UPF2: variants seen among roughly 807,000 people sequenced by gnomAD.
The protein encoded by UPF2 is regulator of nonsense transcripts 2.
A neutral mutation model predicts 141.4 loss-of-function variants in UPF2; 17 were observed. The ratio of observed to expected loss-of-function variants is 0.12; its 90% CI spans 0.08 to 0.18. The LOEUF is 0.18. UPF2 is among the 10% of genes least tolerant of loss of function. The pLI, the probability that UPF2 is intolerant of heterozygous loss-of-function variation, is 1.00. For missense variants in UPF2, 1,152 were observed against 1,515.9 expected (o/e 0.76, Z 3.99); for synonymous variants, 540 against 498.0 (o/e 1.08, Z -1.12).
intron 5 of UPF2, among the ~76,000 whole-genome samples, chr10:12,003,942 A>AAG: frequency 6.6e-6 from 1 of 151,562 alleles, no homozygotes; most frequent in Non-Finnish European, 1.5e-5. Context: ...AAAAAAAAAA[A>AAG]AAGAATGCAT....
chr10:11,967,891 C>T (rs2131207707), intron 9 of UPF2, among the ~76,000 whole-genome samples: 1 of 151,680 alleles, frequency 6.6e-6, no homozygotes, highest in South Asian at 2.1e-4. Context: ...GGTAAAATTT[C>T]TTGCTATAGG....
In UPF2 at chr10:11,971,344, T is replaced by C. The variant is rs538527017; in HGVS notation, c.1954-3890A>G. Among the ~76,000 whole-genome samples, 5 of 151,276 alleles carry C rather than the reference T, an allele frequency of 3.3e-5. No homozygotes were observed. In the East Asian group the frequency reaches 9.8e-4, roughly 30 times the overall value. On this transcript the variant is annotated intron_variant, in intron 9 of 21. Transcript: ENST00000357604. ...ATCTCGGCTCACCGCAACCTCCGCCTCCCGGGTTCAAGTGATTCTCCTGCC... is the reference window on the plus strand; with the variant it reads ...ATCTCGGCTCACCGCAACCTCCGCCCCCCGGGTTCAAGTGATTCTCCTGCC...
chr10:11,978,488 C>G (rs1324838165), intron 9 of UPF2, among the ~76,000 whole-genome samples: 2 of 152,090 alleles, frequency 1.3e-5, no homozygotes, highest in Non-Finnish European at 2.9e-5. Flanking sequence ...GTTCATACTT[C>G]TAGGGTTAGA....
chr10:11,923,286 T>C (rs1832669252), intron 21 of UPF2: 1 of 152,290 alleles, frequency 6.6e-6, no homozygotes, highest in South Asian at 2.1e-4. Context: ...GGCTCACGCC[T>C]GTACCCTCAG....
At position 11,959,947 on chromosome 10, in the gene UPF2, C is replaced by T. The variant is rs2131195141; in HGVS notation, c.2185-591G>A. Reference sequence around the variant, plus strand: ...CTAGAGAACTTTACTACCAAGGTAACTTCTTTCATAACTTTGTGTCTAGGG... The same window carrying T: ...CTAGAGAACTTTACTACCAAGGTAATTTCTTTCATAACTTTGTGTCTAGGG... On this transcript the variant is annotated intron_variant, in intron 11 of 21. Coordinates refer to ENST00000357604, the MANE Select transcript of UPF2 (RefSeq NM_015542.4). The surrounding 1 kb of genome is among the most constrained non-coding windows in gnomAD (Gnocchi z 5.9). 6.6e-6 allele frequency among the ~76,000 whole-genome samples: 1 copy of T among 152,322 alleles called. No homozygotes were observed. The highest frequency in any genetic ancestry group is 1.9e-4 in the East Asian group (1 of 5,190).
chr10:12,008,844 A>C (rs1176088699), intron 4 of UPF2, among the ~76,000 whole-genome samples: 8 of 151,270 alleles, frequency 5.3e-5, no homozygotes, highest in African/African-American at 1.9e-4. Context: ...CCCTCCCCTT[A>C]CCCCCAACCT....
rs143069321 is a variant in UPF2 at position 11,921,343 on chromosome 10, C to T, written c.3810-36G>A. On this transcript the variant is annotated intron_variant, in intron 21 of 21. Coordinates refer to ENST00000357604, the MANE Select transcript of UPF2 (RefSeq NM_015542.4). The surrounding 1 kb of genome is among the most constrained non-coding windows in gnomAD (Gnocchi z 5.9). Reference sequence around the variant, plus strand: ...AAACAGGGTCACATCAGAGAGCTTACTGCCACAGGACAAAGTCCAGCAAGA... The same window carrying T: ...AAACAGGGTCACATCAGAGAGCTTATTGCCACAGGACAAAGTCCAGCAAGA... The T allele has an allele frequency of 1.3e-4, 212 of 1,614,008 alleles. No homozygotes were observed. The African/African-American group carries it at 2.6e-3, about 20-fold the overall frequency.
At position 11,939,719 on chromosome 10, in the gene UPF2, G is replaced by C. The variant is rs1436819865; in HGVS notation, c.3378+2946C>G. ...TTTAGTAGAGACAGGGTTTCACCAT[G>C]TTGGCCAGGCTGGTCTTGAACTCCT... On this transcript the variant is annotated intron_variant, in intron 18 of 21. Coordinates refer to ENST00000357604, the MANE Select transcript of UPF2 (RefSeq NM_015542.4). This position sits in a 1 kb window ranked among gnomAD's most constrained non-coding sequence, Gnocchi z 4.8. 6.6e-6 allele frequency among the ~76,000 whole-genome samples: 1 copy of C among 151,948 alleles called. No individual in the cohort carries two copies. The highest frequency in any genetic ancestry group is 2.4e-5 in the African/African-American group (1 of 41,358).
At chr10:11,957,542 G>A (rs1460928817) in intron 12 of UPF2, among the ~76,000 whole-genome samples, 1 of 151,848 alleles carries the variant, frequency 6.6e-6, no homozygotes, top group African/African-American at 2.4e-5. Flanking sequence ...TTGAGATGGA[G>A]TCTCGCTCTG....
At position 11,944,213 on chromosome 10, in the gene UPF2, A is replaced by T. The variant is rs114374304; in HGVS notation, c.3175-1045T>A. Among the ~76,000 whole-genome samples the T allele has an allele frequency of 4.9e-3, 745 of 152,320 alleles. 6 individuals are homozygous for T. Among genetic ancestry groups the T allele is most frequent in the African/African-American group, 0.017 (700 of 41,576 alleles). On this transcript the variant is annotated intron_variant, in intron 16 of 21. Transcript: ENST00000357604. The stretch of plus-strand genomic sequence containing the variant: ...TGAAAACGTTTCAAAAACGTATACC[A>T]ATGGTCGGCGCCATGGCTCACACCT...
chr10:11,996,166 G>A (rs1256470177), intron 8 of UPF2, among the ~76,000 whole-genome samples: 2 of 152,040 alleles, frequency 1.3e-5, no homozygotes, highest in South Asian at 2.1e-4. Flanking sequence ...GACCCGTAAC[G>A]AATTATTTAA....
At chr10:11,938,614 G>T (rs528426306) in intron 18 of UPF2, among the ~76,000 whole-genome samples, 2 of 151,398 alleles carry the variant, frequency 1.3e-5, no homozygotes, top group South Asian at 4.2e-4. Context: ...ATGACCTTTG[G>T]CATGATTTTG....
At chr10:12,004,805 A>G in intron 4 of UPF2, 78 bp from the exon 5 acceptor site, 1 of 1,393,774 alleles carries the variant, frequency 7.2e-7, no homozygotes, top group Non-Finnish European at 9.8e-7. Flanking sequence ...TTATTTTTTC[A>G]GTTTTACATC....
intron 11 of UPF2, among the ~76,000 whole-genome samples, chr10:11,963,326 GTATT>G (rs1833269376): frequency 6.9e-6 from 1 of 145,036 alleles, no homozygotes; most frequent in Non-Finnish European, 1.6e-5. Flanking sequence ...AGCTGTGTGA[GTATT>G]CATTCATTCA....
At chr10:11,944,458 C>A (rs1832976265) in intron 16 of UPF2, among the ~76,000 whole-genome samples, 1 of 152,166 alleles carries the variant, frequency 6.6e-6, no homozygotes, top group African/African-American at 2.4e-5. Context: ...TGTACCACTG[C>A]ACTCCGGCCT....
chr10:11,971,264 T>C (rs1465099270), intron 9 of UPF2, among the ~76,000 whole-genome samples: 2 of 151,810 alleles, frequency 1.3e-5, no homozygotes, highest in Non-Finnish European at 2.9e-5. Context: ...CTTTCTTTTT[T>C]TTTTTTTTTG....
Position 11,930,987 on chromosome 10 carries a change from A to G in UPF2, c.3688+654T>C, listed in dbSNP as rs942643002. Among the ~76,000 whole-genome samples, 3 of 152,114 alleles carry G rather than the reference A, an allele frequency of 2.0e-5. No homozygotes were observed. In the East Asian group the frequency reaches 5.8e-4, roughly 29 times the overall value. On this transcript the variant is annotated intron_variant, in intron 20 of 21. Transcript: ENST00000357604. The stretch of plus-strand genomic sequence containing the variant: ...ACGCTAGCCTATGAAGTCTCCATGG[A>G]CTCGATGTGTAAGGTTCCAACTAAC...
intron 18 of UPF2, 87 bp downstream of exon 18, chr10:11,942,578 T>C (rs1832949927): frequency 5.1e-6 from 6 of 1,182,996 alleles, no homozygotes; most frequent in Admixed American, 2.0e-5. Context: ...GACACTTAGA[T>C]AGGAGAGGCC....
intron 8 of UPF2, among the ~76,000 whole-genome samples, chr10:11,990,336 TA>T (rs1352617936): frequency 6.6e-6 from 1 of 152,190 alleles, no homozygotes; most frequent in East Asian, 1.9e-4. Flanking sequence ...GGGCAAAGAC[TA>T]AGCAAAAGCT....
Sources: allele counts gnomAD v4.1 joint callset (sites outside exome capture counted in the v4.1 genomes callset), GRCh38; gene constraint gnomAD v4.1.1; non-coding constraint Gnocchi (gnomAD v3.1); transcripts MANE v1.5; gene names NCBI Gene and HGNC (gene_info 2026-07-23, HGNC 2026-07-21).